GABRB3: variants seen among roughly 807,000 people sequenced by gnomAD.
The protein encoded by GABRB3 is gamma-aminobutyric acid type A receptor subunit beta3.
Under a neutral mutation model 52.1 loss-of-function variants are expected in GABRB3, and 14 were observed. The ratio of observed to expected loss-of-function variants is 0.27; its 90% CI spans 0.18 to 0.42. The LOEUF is 0.42. Ranked by LOEUF, GABRB3 falls within the 10% of genes least tolerant of loss-of-function variation. GABRB3 has a pLI of 1.00. For missense variants in GABRB3, 307 were observed against 609.1 expected (o/e 0.50, Z 5.22); for synonymous variants, 260 against 232.3 (o/e 1.12, Z -1.08).
At chr15:26,664,596 T>C (rs892467792) in intron 3 of GABRB3, among the ~76,000 whole-genome samples, 21 of 152,124 alleles carry the variant, frequency 1.4e-4, no homozygotes, top group African/African-American at 5.1e-4. Flanking sequence ...TGCATATATT[T>C]ATGGGGTACA....
intron 3 of GABRB3, among the ~76,000 whole-genome samples, chr15:26,636,395 C>G (rs1297335682): frequency 6.6e-6 from 1 of 152,150 alleles, no homozygotes; most frequent in African/African-American, 2.4e-5. Flanking sequence ...TGGATACATG[C>G]TCTCCTGCCT....
intron 6 of GABRB3, among the ~76,000 whole-genome samples, chr15:26,571,607 T>A (rs1375462122): frequency 1.3e-5 from 2 of 152,224 alleles, no homozygotes; most frequent in Non-Finnish European, 2.9e-5. Context: ...TTGACTGCCA[T>A]GACTGTACAG....
At chr15:26,773,680 G>A (rs1193452628), upstream of GABRB3, 2 of 1,575,336 alleles carry the variant, frequency 1.3e-6, no homozygotes, top group South Asian at 2.3e-5. Context: ...CCAGGGTCCA[G>A]GAGAGCCAGA....
chr15:26,748,246 G>A (rs528854566), intron 3 of GABRB3, among the ~76,000 whole-genome samples: 4 of 152,066 alleles, frequency 2.6e-5, no homozygotes, highest in Non-Finnish European at 4.4e-5. Context: ...AGTTGGGAAT[G>A]GTTCCCTCCT....
chr15:26,701,412 C>A (rs958624156), intron 3 of GABRB3, among the ~76,000 whole-genome samples: 2 of 152,130 alleles, frequency 1.3e-5, no homozygotes, highest in Non-Finnish European at 2.9e-5. Flanking sequence ...GGTATCAAGT[C>A]AATGCACAAA....
chr15:26,596,276 CAGTT>C (rs1211624185), intron 4 of GABRB3, among the ~76,000 whole-genome samples: 2 of 151,984 alleles, frequency 1.3e-5, no homozygotes, highest in Non-Finnish European at 2.9e-5. Context: ...TACGAACAAA[CAGTT>C]ATAAATGAAA....
chr15:26,642,426 T>C (rs895371756), intron 3 of GABRB3: 1 of 1,256,708 alleles, frequency 8.0e-7, no homozygotes, highest in Non-Finnish European at 1.0e-6. Context: ...TATATATGTA[T>C]ACATACATTT....
chr15:26,559,777 A>G (rs943780429), intron 8 of GABRB3, among the ~76,000 whole-genome samples: 1 of 152,216 alleles, frequency 6.6e-6, no homozygotes, highest in African/African-American at 2.4e-5. Flanking sequence ...CAAGGGCTTT[A>G]GAAAGTTCAT....
chr15:26,610,121 C>T (rs146768461), intron 4 of GABRB3, among the ~76,000 whole-genome samples: 8 of 152,310 alleles, frequency 5.3e-5, no homozygotes, highest in African/African-American at 1.4e-4. Flanking sequence ...ATTCCTCTTC[C>T]TTATCCCTCC....
chr15:26,725,631 C>T (rs577146641), intron 3 of GABRB3, among the ~76,000 whole-genome samples: 1 of 152,018 alleles, frequency 6.6e-6, no homozygotes, highest in African/African-American at 2.4e-5. Context: ...GTTGACTATC[C>T]CTTATTCAAA....
chr15:26,730,993 T>A (rs1889895198), intron 3 of GABRB3, among the ~76,000 whole-genome samples: 1 of 152,210 alleles, frequency 6.6e-6, no homozygotes, highest in African/African-American at 2.4e-5. Flanking sequence ...ACAGGTGTGA[T>A]CTTTTCAGCC....
At chr15:26,592,176 T>C (rs993862279) in intron 4 of GABRB3, among the ~76,000 whole-genome samples, 2 of 152,146 alleles carry the variant, frequency 1.3e-5, no homozygotes, top group African/African-American at 4.8e-5. Context: ...CCAAAGTGTG[T>C]CTGATTTCAA....
intron 3 of GABRB3, among the ~76,000 whole-genome samples, chr15:26,763,508 A>G (rs899099013): frequency 1.3e-5 from 2 of 152,072 alleles, no homozygotes; most frequent in African/African-American, 2.4e-5. Context: ...TCTCTCACAT[A>G]GAGAATTACA....
At chr15:26,642,024 G>T (rs1201695922) in intron 3 of GABRB3, among the ~76,000 whole-genome samples, 1 of 151,904 alleles carries the variant, frequency 6.6e-6, no homozygotes, top group African/African-American at 2.4e-5. Flanking sequence ...CAAGTAGCTG[G>T]GACTACAGGC....
rs66894857 is a variant in GABRB3 at position 26,625,588 on chromosome 15, T to TATTGGCTGTGGAG, written c.241-4055_241-4054insCTCCACAGCCAAT. On this transcript the variant is annotated intron_variant, in intron 3 of 8. Transcript: ENST00000311550. Reference sequence around the variant, plus strand: ...TTAAAAGCTCCAAGGATTAAAGGAATAGCAGAGGGGACACTGGATTCCTCA... The same window carrying TATTGGCTGTGGAG: ...TTAAAAGCTCCAAGGATTAAAGGAATATTGGCTGTGGAGAGCAGAGGGGACACTGGATTCCTCA... The TATTGGCTGTGGAG allele has an allele frequency of 4.6e-4, 279 of 603,430 alleles. 5 individuals carry two copies. The South Asian group carries it at 5.2e-3, about 11-fold the overall frequency. 37.4% of individuals were successfully genotyped at this position (603,430 alleles called of 1,614,324 possible).
Position 26,585,982 on chromosome 15 carries a change from T to A in GABRB3, c.462-2568A>T, listed in dbSNP as rs182484371. ...CTTCACTGACAATGTTCAAATTTTT[T>A]AATTTTCTTTTTGTTTGTTTGTTTG... is the stretch of plus-strand genomic sequence containing the variant. On this transcript the variant is annotated intron_variant, in intron 4 of 8. Coordinates refer to ENST00000311550, the MANE Select transcript of GABRB3 (RefSeq NM_000814.6). Among the ~76,000 whole-genome samples, 1,101 of 152,248 alleles carry A rather than the reference T, an allele frequency of 7.2e-3. 36 individuals are homozygous for A. Among genetic ancestry groups the A allele is most frequent in the Admixed American group, 0.063 (971 of 15,292 alleles).
chr15:26,742,924 CTTTTTTTTT>C (rs779891729), intron 3 of GABRB3, among the ~76,000 whole-genome samples: 5 of 48,836 alleles, frequency 1.0e-4, no homozygotes, highest in South Asian at 2.4e-3. Context: ...ATTAGAGATT[CTTTTTTTTT>C]TTTTTTTTTT....
chr15:26,621,207 T>TAA lies in GABRB3; in HGVS notation c.461+105_461+106dup, dbSNP rs1163593364. ...GCTTTAGTGCTTCATAGATGCTTCC[T>TAA]AATTTATCTGAGGTCATTGCCTCAC... is the stretch of plus-strand genomic sequence containing the variant. On this transcript the variant is annotated intron_variant, in intron 4 of 8. Coordinates refer to ENST00000311550, the MANE Select transcript of GABRB3 (RefSeq NM_000814.6). This position sits in a 1 kb window ranked among gnomAD's most constrained non-coding sequence, Gnocchi z 4.1. The TAA allele has an allele frequency of 2.1e-6, 2 of 943,294 alleles. No individual in the cohort carries two copies. The highest frequency in any genetic ancestry group is 3.2e-5 in the African/African-American group (2 of 61,964). The allele number at this position is 943,294 out of a possible 1,614,324, so 58.4% of individuals were successfully genotyped here. A position where few individuals can be genotyped will look rare whatever the true frequency, so the allele number is the denominator to read the frequency against.
intron 3 of GABRB3, among the ~76,000 whole-genome samples, chr15:26,684,594 G>C (rs1888342901): frequency 6.6e-6 from 1 of 152,112 alleles, no homozygotes; most frequent in Admixed American, 6.5e-5. Context: ...TACACTGAGG[G>C]ACGTGCAACT....
Sources: gnomAD v4.1 joint callset for allele counts (sites outside exome capture counted in the v4.1 genomes callset) on GRCh38, gnomAD v4.1.1 for gene constraint, Gnocchi (gnomAD v3.1) non-coding constraint, MANE v1.5 for transcripts, NCBI Gene and HGNC (gene_info 2026-07-23, HGNC 2026-07-21) for gene names.